Variants in IGSF21 observed in about 807,000 individuals in gnomAD.
IGSF21 encodes the protein immunoglobulin superfamily member 21.
In IGSF21, 28 loss-of-function variants were observed where a neutral mutation model predicts 46.8. The observed-to-expected ratio is 0.60, with a 90% CI of 0.44 to 0.82. The LOEUF is 0.82. Ranked by LOEUF, IGSF21 falls within the 40% of genes least tolerant of loss-of-function variation. The probability of loss-of-function intolerance (pLI) is 0.00; values close to 1 mark genes in which losing one functional copy is unlikely to be tolerated. For synonymous variants in IGSF21, 284 were observed against 273.6 expected, an observed-to-expected ratio of 1.04 and a Z score of -0.38; for missense variants, 624 against 665.5, an observed-to-expected ratio of 0.94 and a Z score of 0.69.
chr1:18,333,930 A>C (rs970307229), intron 3 of IGSF21, among the ~76,000 whole-genome samples: 4 of 152,254 alleles, frequency 2.6e-5, no homozygotes, highest in African/African-American at 9.6e-5. Context: ...ATGGCAAATG[A>C]AAATTATGTG....
chr1:18,182,615 T>A (rs1190285894), intron 1 of IGSF21, among the ~76,000 whole-genome samples: 2 of 152,204 alleles, frequency 1.3e-5, no homozygotes, highest in African/African-American at 4.8e-5. Flanking sequence ...AAGTGACTCA[T>A]TGTGAGAGCA....
At chr1:18,116,776 T>G (rs1285355047) in intron 1 of IGSF21, among the ~76,000 whole-genome samples, 4 of 152,190 alleles carry the variant, frequency 2.6e-5, no homozygotes, top group African/African-American at 4.8e-5. Flanking sequence ...AGCTTATGTC[T>G]TTGGGGATTA....
intron 2 of IGSF21, among the ~76,000 whole-genome samples, chr1:18,265,745 C>T (rs548218135): frequency 1.5e-4 from 23 of 152,322 alleles, no homozygotes; most frequent in South Asian, 4.1e-4. Context: ...CTCTTCACTC[C>T]GATTTTTGGC....
At chr1:18,376,728 G>T (rs1225049951) in intron 7 of IGSF21, 72 bp from the exon 8 acceptor site, 3 of 1,429,078 alleles carry the variant, frequency 2.1e-6, no homozygotes, top group Non-Finnish European at 2.9e-6. Flanking sequence ...TGGCCAGGCA[G>T]CCCCTGACCC....
intron 1 of IGSF21, among the ~76,000 whole-genome samples, chr1:18,117,573 G>A (rs147493237): frequency 0.015 from 2,271 of 152,316 alleles, 29 homozygotes; most frequent in Middle Eastern, 0.027. Context: ...AAGCGTGAAT[G>A]GATAATACCA....
intron 2 of IGSF21, among the ~76,000 whole-genome samples, chr1:18,276,562 C>T (rs2124551119): frequency 6.6e-6 from 1 of 152,302 alleles, no homozygotes. Context: ...GTAGACCCCC[C>T]GACCCCCGCC....
intron 4 of IGSF21, among the ~76,000 whole-genome samples, chr1:18,346,375 T>G (rs1357983635): frequency 2.0e-5 from 3 of 152,218 alleles, no homozygotes; most frequent in African/African-American, 7.2e-5. Context: ...ATGGGCTGTC[T>G]CAAGGAATGA....
intron 1 of IGSF21, among the ~76,000 whole-genome samples, chr1:18,163,956 T>G (rs919645748): frequency 6.6e-6 from 1 of 152,240 alleles, no homozygotes; most frequent in Non-Finnish European, 1.5e-5. Flanking sequence ...ATCATTTATA[T>G]GAAATGCAAT....
At chr1:18,136,763 C>A (rs1335805675) in intron 1 of IGSF21, among the ~76,000 whole-genome samples, 4 of 152,102 alleles carry the variant, frequency 2.6e-5, no homozygotes, top group Non-Finnish European at 4.4e-5. Context: ...TCCATATGAA[C>A]TTTAAAGTAG....
At chr1:18,226,744 T>A (rs1419707215) in intron 1 of IGSF21, among the ~76,000 whole-genome samples, 1 of 152,250 alleles carries the variant, frequency 6.6e-6, no homozygotes, top group Non-Finnish European at 1.5e-5. Context: ...CTATTCAGCT[T>A]GCCTGCACAA....
chr1:18,273,660 G>A (rs2085073418), intron 2 of IGSF21, among the ~76,000 whole-genome samples: 1 of 148,504 alleles, frequency 6.7e-6, no homozygotes, highest in Non-Finnish European at 1.5e-5. Flanking sequence ...CCAAGGGTTT[G>A]TTCAAAGCCA....
chr1:18,318,165 C>A (rs1448260833), intron 3 of IGSF21, among the ~76,000 whole-genome samples: 1 of 152,176 alleles, frequency 6.6e-6, no homozygotes, highest in African/African-American at 2.4e-5. Context: ...CAGCCATTGG[C>A]ATTTCCTGAG....
At chr1:18,159,735 T>G (rs2086599964) in intron 1 of IGSF21, among the ~76,000 whole-genome samples, 1 of 147,726 alleles carries the variant, frequency 6.8e-6, no homozygotes, top group Non-Finnish European at 1.5e-5. Flanking sequence ...CAGGCTGGAG[T>G]GCAGTGGTGT....
In IGSF21 at chr1:18,334,125, AG is replaced by A. The variant is rs1413564362; in HGVS notation, c.306-762del. ...GGAGAAAAGACTGAAAGCAGGTTTG[AG>A]GGGGTCTCTCCCATCCTTAGGGATC... On this transcript the variant is annotated intron_variant, in intron 3 of 9. Coordinates refer to ENST00000251296, the MANE Select transcript of IGSF21 (RefSeq NM_032880.5). The surrounding 1 kb of genome is among the most constrained non-coding windows in gnomAD (Gnocchi z 4.3). Among the ~76,000 whole-genome samples, 1 of 152,154 alleles carries A rather than the reference AG, an allele frequency of 6.6e-6. No individual in the cohort carries two copies. The highest frequency in any genetic ancestry group is 2.4e-5 in the African/African-American group (1 of 41,442).
chr1:18,191,089 A>G (rs1321176075), intron 1 of IGSF21, among the ~76,000 whole-genome samples: 3 of 152,142 alleles, frequency 2.0e-5, no homozygotes, highest in Non-Finnish European at 4.4e-5. Context: ...AGAAGGAGAT[A>G]ATTCCAGAAA....
Position 18,322,327 on chromosome 1 carries a change from G to A in IGSF21, c.306-12565G>A, listed in dbSNP as rs947844575. 2.0e-5 allele frequency among the ~76,000 whole-genome samples: 3 copies of A among 152,010 alleles called. No individual in the cohort carries two copies. The highest frequency in any genetic ancestry group is 2.9e-5 in the Non-Finnish European group (2 of 68,022). On this transcript the variant is annotated intron_variant, in intron 3 of 9. Coordinates refer to ENST00000251296, the MANE Select transcript of IGSF21 (RefSeq NM_032880.5). This position sits in a 1 kb window ranked among gnomAD's most constrained non-coding sequence, Gnocchi z 4.3. ...TAGAAACAACAGGTTGAGGAAGTCC[G>A]GGAAACCCAGAGGCAGCCACCTTCC...
chr1:18,268,120 G>A (rs1048321205), intron 2 of IGSF21, among the ~76,000 whole-genome samples: 2 of 152,350 alleles, frequency 1.3e-5, no homozygotes, highest in South Asian at 2.1e-4. Flanking sequence ...AGGAATGAAC[G>A]ACTTGGCCTC....
Position 18,290,849 on chromosome 1 carries a change from G to A in IGSF21, c.184-1017G>A, listed in dbSNP as rs939162931. Among the ~76,000 whole-genome samples, 4 of 145,958 alleles carry A rather than the reference G, an allele frequency of 2.7e-5. No homozygotes were observed. The highest frequency in any genetic ancestry group is 2.1e-4 in the East Asian group (1 of 4,856). On this transcript the variant is annotated intron_variant, in intron 2 of 9. Transcript: ENST00000251296. The surrounding 1 kb of genome is among the most constrained non-coding windows in gnomAD (Gnocchi z 4.2). The stretch of plus-strand genomic sequence containing the variant: ...CAGCCCCCTCCCTGCCCCTTTCCCC[G>A]CTGCCTCCACCACACAGAGCCGCAG...
intron 2 of IGSF21, 35 bp from the exon 3 acceptor site, chr1:18,291,831 C>T: frequency 3.1e-6 from 5 of 1,609,590 alleles, no homozygotes; most frequent in South Asian, 1.1e-5. Flanking sequence ...GCCGGTTGAG[C>T]ACTCACGTGT....
Sources: allele counts gnomAD v4.1 joint callset (sites outside exome capture counted in the v4.1 genomes callset), GRCh38; gene constraint gnomAD v4.1.1; non-coding constraint Gnocchi (gnomAD v3.1); transcripts MANE v1.5; gene names NCBI Gene and HGNC (gene_info 2026-07-23, HGNC 2026-07-21).